DGKB: variants seen among roughly 807,000 people sequenced by gnomAD.
DGKB encodes the protein 90 kDa diacylglycerol kinase.
DGKB carries 67 observed loss-of-function variants against 114.3 expected under a neutral mutation model. The ratio of observed to expected loss-of-function variants is 0.59; its 90% CI spans 0.48 to 0.72. The LOEUF (loss-of-function observed/expected upper bound fraction) is 0.72. Among genes scored for constraint, DGKB ranks in the 30% least tolerant of loss-of-function variants. DGKB has a pLI of 0.00. For synonymous variants in DGKB, 398 were observed against 323.1 expected (o/e 1.23, Z -2.49); for missense variants, 907 against 975.2 (o/e 0.93, Z 0.93).
Position 14,148,103 on chromosome 7 carries a change from A to G in DGKB, c.*1028T>C, listed in dbSNP as rs1004236194. ...TTACACCTATATTTATAAATGACTG[A>G]AAAAAGCAAGAAATCATCTATTGAG... On this transcript the variant is annotated 3_prime_UTR_variant, in exon 26 of 26. Transcript: ENST00000402815. 2 of 152,284 alleles carry G rather than the reference A, an allele frequency of 1.3e-5. No individual in the cohort carries two copies. Among genetic ancestry groups the G allele is most frequent in the African/African-American group, 4.8e-5 (2 of 41,450 alleles). 9.4% of individuals were successfully genotyped at this position (152,284 alleles called of 1,614,324 possible).
chr7:14,328,898 C>A (rs1044686931), intron 23 of DGKB, among the ~76,000 whole-genome samples: 2 of 151,846 alleles, frequency 1.3e-5, no homozygotes, highest in Non-Finnish European at 2.9e-5. Context: ...CGAAAGCAGA[C>A]ATTAAAATAA....
intron 1 of DGKB, among the ~76,000 whole-genome samples, chr7:14,945,642 C>G (rs1335610837): frequency 2.6e-5 from 4 of 151,676 alleles, no homozygotes; most frequent in African/African-American, 9.7e-5. Flanking sequence ...GCAACTATAT[C>G]AGAACACATG....
chr7:14,342,361 A>T (rs1037058981), intron 22 of DGKB, among the ~76,000 whole-genome samples: 4 of 151,726 alleles, frequency 2.6e-5, no homozygotes, highest in Non-Finnish European at 5.9e-5. Context: ...ACATTCATGA[A>T]CTCTGTATCT....
intron 14 of DGKB, among the ~76,000 whole-genome samples, chr7:14,626,252 A>G (rs1283406783): frequency 4.6e-5 from 7 of 152,350 alleles, no homozygotes; most frequent in East Asian, 3.9e-4. Context: ...GATTACCTCA[A>G]GAACAGGGTT....
intron 21 of DGKB, among the ~76,000 whole-genome samples, chr7:14,450,614 A>C (rs935840484): frequency 6.6e-6 from 1 of 152,046 alleles, no homozygotes; most frequent in African/African-American, 2.4e-5. Flanking sequence ...AAAAATTCCT[A>C]AGTAAAATAT....
intron 1 of DGKB, among the ~76,000 whole-genome samples, chr7:14,973,439 T>C (rs1303273803): frequency 2.0e-5 from 3 of 151,738 alleles, no homozygotes; most frequent in Admixed American, 6.6e-5. Context: ...CAATAACATA[T>C]GGATTGAAAA....
intron 16 of DGKB, among the ~76,000 whole-genome samples, chr7:14,612,220 G>GC (rs1220761105): frequency 7.7e-6 from 1 of 130,014 alleles, no homozygotes; most frequent in African/African-American, 2.6e-5. Context: ...GGTCACCTGG[G>GC]CTGGAGTGCA....
chr7:14,435,914 C>T (rs1273657822), intron 21 of DGKB, among the ~76,000 whole-genome samples: 2 of 152,026 alleles, frequency 1.3e-5, no homozygotes, highest in Non-Finnish European at 2.9e-5. Flanking sequence ...AATATTCTTT[C>T]CTGGATGTCT....
chr7:14,174,391 T>C (rs1781427337), intron 25 of DGKB, among the ~76,000 whole-genome samples: 1 of 152,226 alleles, frequency 6.6e-6, no homozygotes, highest in Non-Finnish European at 1.5e-5. Context: ...TGTCTCCAAC[T>C]GGATGTACAG....
At chr7:14,377,202 C>T (rs549133990) in intron 21 of DGKB, among the ~76,000 whole-genome samples, 5 of 152,174 alleles carry the variant, frequency 3.3e-5, no homozygotes, top group Admixed American at 6.5e-5. Context: ...CCTGATTAGG[C>T]TGTTTCAAAG....
chr7:14,769,117 GAAAGAA>G (rs1323898801), intron 2 of DGKB, among the ~76,000 whole-genome samples: 108 of 103,668 alleles, frequency 1.0e-3, no homozygotes, highest in Non-Finnish European at 1.4e-3. Flanking sequence ...AAGAAAGAAA[GAAAGAA>G]AGAGAGAGAG....
At chr7:14,346,017 G>A (rs1812417182) in intron 21 of DGKB, among the ~76,000 whole-genome samples, 1 of 150,786 alleles carries the variant, frequency 6.6e-6, no homozygotes, top group South Asian at 2.1e-4. Flanking sequence ...TTTTATTCTT[G>A]TGAAAAAAAT....
rs1211445602 is a variant in DGKB, at chr7:14,145,206, G to A, written c.*3925C>T. ...TTTACTCAAACTTTATTTAAATATA[G>A]CAGAATTTAATTGGGAGTTTTAAGT... On this transcript the variant is annotated 3_prime_UTR_variant, in exon 26 of 26. Transcript: ENST00000402815. 1 of 152,006 alleles carries A rather than the reference G, an allele frequency of 6.6e-6. No individual in the cohort carries two copies. Among genetic ancestry groups the A allele is most frequent in the Admixed American group, 6.6e-5 (1 of 15,250 alleles). 9.4% of individuals were successfully genotyped at this position (152,006 alleles called of 1,614,324 possible).
At chr7:14,338,358 GAT>G (rs1472782603) in intron 23 of DGKB, among the ~76,000 whole-genome samples, 155 bp downstream of exon 23, 1 of 152,006 alleles carries the variant, frequency 6.6e-6, no homozygotes, top group Non-Finnish European at 1.5e-5. Context: ...AATCTATTGT[GAT>G]ATAAGTTAAT....
At chr7:14,644,228 C>T (rs1359143805) in intron 13 of DGKB, among the ~76,000 whole-genome samples, 1 of 151,900 alleles carries the variant, frequency 6.6e-6, no homozygotes. Flanking sequence ...AAAAGTGTTA[C>T]CCTATGAAAG....
At chr7:14,321,989 T>TATTC (rs1356228552) in intron 23 of DGKB, among the ~76,000 whole-genome samples, 1 of 152,148 alleles carries the variant, frequency 6.6e-6, no homozygotes, top group African/African-American at 2.4e-5. Flanking sequence ...ATCCCTGTGG[T>TATTC]ATTTATTTAT....
intron 22 of DGKB, among the ~76,000 whole-genome samples, chr7:14,343,138 G>A (rs796444372): frequency 7.5e-6 from 1 of 134,220 alleles, no homozygotes; most frequent in African/African-American, 2.8e-5. Flanking sequence ...GAGCAGAGAA[G>A]CAGATTTTGC....
chr7:14,537,438 C>T (rs1350062449), intron 20 of DGKB, among the ~76,000 whole-genome samples: 2 of 152,100 alleles, frequency 1.3e-5, no homozygotes, highest in African/African-American at 2.4e-5. Context: ...AAAGACAGAT[C>T]TATAGAGCAA....
At chr7:14,672,279 ATAACTT>A (rs1270062503) in intron 13 of DGKB, among the ~76,000 whole-genome samples, 1 of 152,118 alleles carries the variant, frequency 6.6e-6, no homozygotes, top group Non-Finnish European at 1.5e-5. Flanking sequence ...GTTTTTTAAA[ATAACTT>A]TAATTTTCAA....
Sources: gnomAD v4.1 joint callset for allele counts (sites outside exome capture counted in the v4.1 genomes callset) on GRCh38, gnomAD v4.1.1 for gene constraint, MANE v1.5 for transcripts, NCBI Gene and HGNC (gene_info 2026-07-23, HGNC 2026-07-21) for gene names.